The following AP1AR variants were observed in gnomAD, a reference collection of about 807,000 sequenced individuals.
AP1AR encodes AP-1 complex-associated regulatory protein.
A neutral mutation model predicts 46.3 loss-of-function variants in AP1AR; 29 were observed. The observed-to-expected ratio is 0.63, with a 90% CI of 0.47 to 0.85. The LOEUF is 0.85. Among genes scored for constraint, AP1AR ranks in the 40% least tolerant of loss-of-function variants. The pLI is 0.00. For synonymous variants in AP1AR, 122 were observed against 122.9 expected, an observed-to-expected ratio of 0.99 and a Z score of 0.05; for missense variants, 357 against 356.3, an observed-to-expected ratio of 1.00 and a Z score of -0.02.
chr4:112,261,535 C>G (rs1438041871), intron 5 of AP1AR, among the ~76,000 whole-genome samples: 1 of 152,028 alleles, frequency 6.6e-6, no homozygotes, highest in African/African-American at 2.4e-5. Flanking sequence ...TCTCAGAGAA[C>G]CAAGTACTTA....
chr4:112,252,513 T>C (rs138629416), intron 1 of AP1AR, among the ~76,000 whole-genome samples: 102 of 152,328 alleles, frequency 6.7e-4, no homozygotes, highest in African/African-American at 2.3e-3. Flanking sequence ...GATGCTGTAG[T>C]ACTTAGAATG....
intron 3 of AP1AR, among the ~76,000 whole-genome samples, chr4:112,255,619 A>G (rs147579989): frequency 2.9e-3 from 444 of 152,276 alleles, no homozygotes; most frequent in African/African-American, 9.7e-3. Flanking sequence ...CAGATTTTCT[A>G]CATGTTTATT....
chr4:112,264,517 T>G (rs77266275), intron 6 of AP1AR, among the ~76,000 whole-genome samples: 5 of 152,260 alleles, frequency 3.3e-5, no homozygotes, highest in East Asian at 1.9e-4. Flanking sequence ...ATATAGCTAA[T>G]AGCTATCAGA....
At position 112,270,920 on chromosome 4, in the gene AP1AR, G is replaced by A. The variant is rs1726921113; in HGVS notation, c.*2511G>A. The stretch of plus-strand genomic sequence containing the variant: ...TTAGTTGCTGTGTAGAGAATGGATT[G>A]TAAGAAGGCAAGAGTGGATATATAG... On this transcript the variant is annotated 3_prime_UTR_variant, in exon 10 of 10. Transcript: ENST00000274000. 2.0e-5 allele frequency among the ~76,000 whole-genome samples: 3 copies of A among 152,200 alleles called. No homozygotes were observed. In the South Asian group the frequency reaches 6.2e-4, roughly 31 times the overall value.
At chr4:112,232,287 T>C in intron 1 of AP1AR, 113 bp downstream of exon 1, 1 of 897,694 alleles carries the variant, frequency 1.1e-6, no homozygotes, top group South Asian at 4.8e-5. Context: ...AGAGCCCTGC[T>C]ACACTCACTG....
At position 112,268,055 on chromosome 4, in the gene AP1AR, A is replaced by C. The variant is rs1226862141; in HGVS notation, c.644-89A>C. 4 of 1,324,196 alleles carry C rather than the reference A, an allele frequency of 3.0e-6. No homozygotes were observed. The African/African-American group carries it at 5.9e-5, about 20-fold the overall frequency. 82.0% of individuals were successfully genotyped at this position (1,324,196 alleles called of 1,614,324 possible). A position where few individuals can be genotyped will look rare whatever the true frequency, so the allele number is the denominator to read the frequency against. ...ATTCACACATCAAGTCTGATAGTTAAATAAAAACTACATTGCTAAATTTGG... is the reference window on the plus strand; with the variant it reads ...ATTCACACATCAAGTCTGATAGTTACATAAAAACTACATTGCTAAATTTGG... On this transcript the variant is annotated intron_variant, in intron 9 of 9. Transcript: ENST00000274000.
intron 1 of AP1AR, among the ~76,000 whole-genome samples, chr4:112,249,374 T>C (rs1725856904): frequency 6.8e-6 from 1 of 146,368 alleles, no homozygotes; most frequent in Non-Finnish European, 1.5e-5. Context: ...AAAAAAAATG[T>C]ATAGGCTTGG....
Position 112,266,637 on chromosome 4 carries a change from T to C in AP1AR, c.564T>C (p.Cys188=). The change falls in exon 9 of 10, where the codon TGT becomes TGC. Residue 188 remains cysteine (C), a synonymous_variant. Transcript: ENST00000274000. ...TVLTPNTESS[C]DLMTKTKSTS... is the part of the protein sequence containing the mutation. ...TGACACCAAATACAGAAAGCAGTTG[T>C]GATTTAATGACCAAAACTAAATCAA... The C allele has an allele frequency of 6.2e-7, 1 of 1,611,220 alleles. No homozygotes were observed. Among genetic ancestry groups the C allele is most frequent in the Admixed American group, 1.7e-5 (1 of 59,854 alleles).
intron 1 of AP1AR, among the ~76,000 whole-genome samples, chr4:112,247,001 G>A (rs529628952): frequency 6.6e-6 from 1 of 152,296 alleles, no homozygotes; most frequent in Admixed American, 6.5e-5. Context: ...AACTTAGCAT[G>A]TGAAGGTAAC....
chr4:112,252,484 C>T (rs1380172819), intron 1 of AP1AR, among the ~76,000 whole-genome samples: 1 of 152,202 alleles, frequency 6.6e-6, no homozygotes, highest in Non-Finnish European at 1.5e-5. Flanking sequence ...GAGTGGCCCT[C>T]TCCTGGGATG....
chr4:112,260,785 A>T lies in AP1AR; in HGVS notation c.205A>T (p.Ile69Phe). ...CTCTAGGCCTCTTACTGAGGAAGAA[A>T]TTGTTGACCTAAGAGAAAGGCATTA... ...SSHRPLTEEE[I>F]VDLRERHYDS... The change falls in exon 5 of 10, where the codon ATT (isoleucine) becomes TTT (phenylalanine). Residue 69 changes from isoleucine to phenylalanine, a missense_variant. This residue lies in a region of AP1AR where 269 missense variants were observed against 223.6 expected (regional missense o/e 1.20). Transcript: ENST00000274000. 1 of 1,597,114 alleles carries T rather than the reference A, an allele frequency of 6.3e-7. No homozygotes were observed. The highest frequency in any genetic ancestry group is 8.5e-7 in the Non-Finnish European group (1 of 1,173,748).
chr4:112,239,713 G>A (rs912936175), intron 1 of AP1AR, among the ~76,000 whole-genome samples: 3 of 152,236 alleles, frequency 2.0e-5, no homozygotes, highest in East Asian at 1.9e-4. Context: ...TGTATTCCTC[G>A]TTCACCATTC....
chr4:112,253,112 A>C (rs1057231402), intron 1 of AP1AR, 96 bp from the exon 2 acceptor site: 17 of 853,364 alleles, frequency 2.0e-5, no homozygotes, highest in Non-Finnish European at 2.9e-5. Context: ...AGAGATTTTA[A>C]AGTTGCTCTT....
rs974760033 is a variant in AP1AR at position 112,231,994 on chromosome 4, C to G, written c.-98C>G. The G allele has an allele frequency of 2.0e-5, 23 of 1,166,414 alleles. No homozygotes were observed. The highest frequency in any genetic ancestry group is 1.6e-4 in the African/African-American group (10 of 62,326). 72.3% of individuals were successfully genotyped at this position (1,166,414 alleles called of 1,614,324 possible). A position where few individuals can be genotyped will look rare whatever the true frequency, so the allele number is the denominator to read the frequency against. ...GCCGGCCCGCCCTCGGTCCTTGAAC[C>G]CCATTTCGGCTCGTGCCGTGCGGAT... On this transcript the variant is annotated 5_prime_UTR_variant, in exon 1 of 10. Coordinates refer to ENST00000274000, the MANE Select transcript of AP1AR (RefSeq NM_018569.6).
At chr4:112,267,773 G>A (rs1290827197) in intron 9 of AP1AR, among the ~76,000 whole-genome samples, 1 of 151,844 alleles carries the variant, frequency 6.6e-6, no homozygotes, top group South Asian at 2.1e-4. Flanking sequence ...TCATTCTCTG[G>A]GAAATGAAAT....
At chr4:112,243,003 C>T (rs1560603401) in intron 1 of AP1AR, among the ~76,000 whole-genome samples, 1 of 152,162 alleles carries the variant, frequency 6.6e-6, no homozygotes, top group Non-Finnish European at 1.5e-5. Flanking sequence ...CTTTCAGCTC[C>T]TCAACTTTCA....
rs1726277497 is a variant in AP1AR at position 112,257,942 on chromosome 4, T to C, written c.185+145T>C. 1.1e-5 allele frequency: 7 copies of C among 617,330 alleles called. 1 individual carries two copies. In the East Asian group the frequency reaches 2.3e-4, roughly 20 times the overall value. The allele number at this position is 617,330 out of a possible 1,614,324, so 38.2% of individuals were successfully genotyped here. On this transcript the variant is annotated intron_variant, in intron 4 of 9. Coordinates refer to ENST00000274000, the MANE Select transcript of AP1AR (RefSeq NM_018569.6). ...CTTTCAGATTTTTCTTTTTATAAGA[T>C]TGAGACAAATATCATATATCTCAAA...
At chr4:112,255,343 A>G (rs1240537700) in intron 3 of AP1AR, among the ~76,000 whole-genome samples, 2 of 152,192 alleles carry the variant, frequency 1.3e-5, no homozygotes, top group Non-Finnish European at 2.9e-5. Context: ...GGAACTTCAG[A>G]AAGTTGTATT....
chr4:112,251,443 G>A (rs964079275), intron 1 of AP1AR, among the ~76,000 whole-genome samples: 4 of 152,136 alleles, frequency 2.6e-5, no homozygotes, highest in Admixed American at 1.3e-4. Context: ...CCTTGGTTTC[G>A]ACAATGTTCT....
Sources: allele counts gnomAD v4.1 joint callset (sites outside exome capture counted in the v4.1 genomes callset), GRCh38; gene constraint gnomAD v4.1.1; regional missense constraint gnomAD v4.1.1; transcripts MANE v1.5; gene names NCBI Gene and HGNC (gene_info 2026-07-23, HGNC 2026-07-21).